The following PHF2 variants were observed in gnomAD, a reference collection of about 807,000 sequenced individuals.
PHF2 encodes PHD finger protein 2.
In PHF2, 27 loss-of-function variants were observed where a neutral mutation model predicts 120.5. The ratio of observed to expected loss-of-function variants is 0.22; its 90% CI spans 0.17 to 0.31. The LOEUF is 0.31. PHF2 is among the 10% of genes least tolerant of loss of function. PHF2 has a pLI of 1.00. For synonymous variants in PHF2, 568 were observed against 592.5 expected, an observed-to-expected ratio of 0.96 and a Z score of 0.60; for missense variants, 1,024 against 1,434.8, an observed-to-expected ratio of 0.71 and a Z score of 4.63.
intron 2 of PHF2, among the ~76,000 whole-genome samples, chr9:93,633,183 C>T (rs888689707): frequency 2.0e-5 from 3 of 152,162 alleles, no homozygotes; most frequent in Non-Finnish European, 4.4e-5. Context: ...ACAGTTTGTC[C>T]CCTCTTTTTG....
chr9:93,665,326 A>G (rs749203117), intron 14 of PHF2, among the ~76,000 whole-genome samples: 3 of 152,110 alleles, frequency 2.0e-5, no homozygotes, highest in Non-Finnish European at 4.4e-5. Context: ...CACTGTCTTG[A>G]GCATCTAAAC....
intron 3 of PHF2, among the ~76,000 whole-genome samples, chr9:93,639,530 G>A (rs551633829): frequency 6.6e-6 from 1 of 152,146 alleles, no homozygotes; most frequent in East Asian, 1.9e-4. Flanking sequence ...GAGATAGTAT[G>A]ACTTATTCCT....
In PHF2 at chr9:93,576,815, C is replaced by T; in HGVS notation, c.42C>T (p.Tyr14=). 7.8e-7 allele frequency: 1 copy of T among 1,290,234 alleles called. No individual in the cohort carries two copies. Among genetic ancestry groups the T allele is most frequent in the South Asian group, 1.2e-5 (1 of 81,336 alleles). 79.9% of individuals were successfully genotyped at this position (1,290,234 alleles called of 1,614,324 possible). A position where few individuals can be genotyped will look rare whatever the true frequency, so the allele number is the denominator to read the frequency against. The part of the protein sequence containing the change: ...VPVYCVCRLP[Y]DVTRFMIECD... ...TGTACTGCGTCTGCCGGCTCCCCTA[C>T]GACGTTACCCGCTTCATGATCGAGT... The change falls in exon 1 of 22, where the codon TAC becomes TAT. Residue 14 remains tyrosine (Y), a synonymous_variant. Coordinates refer to ENST00000359246, the MANE Select transcript of PHF2 (RefSeq NM_005392.4).
intron 1 of PHF2, among the ~76,000 whole-genome samples, chr9:93,588,276 C>T (rs996317190): frequency 7.9e-5 from 12 of 152,310 alleles, no homozygotes; most frequent in Non-Finnish European, 1.6e-4. Flanking sequence ...AAAGATGGTT[C>T]TGTCTTTGTG....
rs374606005 is a variant in PHF2, at chr9:93,631,343, A to G, written c.184+1288A>G. Among the ~76,000 whole-genome samples the G allele has an allele frequency of 2.3e-3, 343 of 152,308 alleles. 2 individuals carry two copies. Among genetic ancestry groups the G allele is most frequent in the African/African-American group, 7.9e-3 (329 of 41,572 alleles). ...CGACCCTATCCCCAGCACAGCCTCAACAAATATGCAAGCGGGTGATGAGGA... is the reference window on the plus strand; with the variant it reads ...CGACCCTATCCCCAGCACAGCCTCAGCAAATATGCAAGCGGGTGATGAGGA... On this transcript the variant is annotated intron_variant, in intron 2 of 21. Coordinates refer to ENST00000359246, the MANE Select transcript of PHF2 (RefSeq NM_005392.4).
chr9:93,604,433 C>T (rs1825501987), intron 1 of PHF2, among the ~76,000 whole-genome samples: 1 of 150,958 alleles, frequency 6.6e-6, no homozygotes, highest in African/African-American at 2.4e-5. Context: ...TTCATGATCT[C>T]CTGAATTCAA....
At chr9:93,597,705 C>T (rs1382144787) in intron 1 of PHF2, among the ~76,000 whole-genome samples, 1 of 152,118 alleles carries the variant, frequency 6.6e-6, no homozygotes, top group Non-Finnish European at 1.5e-5. Flanking sequence ...GAGGCTGGAA[C>T]CTACCCTTAG....
chr9:93,633,399 C>T (rs1317658817), intron 2 of PHF2, among the ~76,000 whole-genome samples: 5 of 152,338 alleles, frequency 3.3e-5, no homozygotes, highest in East Asian at 3.9e-4. Flanking sequence ...TGGTTAGAAG[C>T]GGCCCTGAAT....
chr9:93,578,587 C>T (rs1000451255), intron 1 of PHF2, among the ~76,000 whole-genome samples: 3 of 152,146 alleles, frequency 2.0e-5, no homozygotes, highest in Admixed American at 1.3e-4. Context: ...TGCCCACACT[C>T]GGGGCCCAGA....
At chr9:93,665,969 T>C in intron 15 of PHF2, 21 bp from the exon 16 acceptor site, 2 of 1,612,974 alleles carry the variant, frequency 1.2e-6, no homozygotes, top group South Asian at 1.1e-5. Flanking sequence ...CCCGCTGGAC[T>C]GCCATCTGCT....
In PHF2 at chr9:93,677,635, A is replaced by G; in HGVS notation, c.3250A>G (p.Lys1084Glu). ...GGCGACCGCCAAGCAGAGGCTTGGG[A>G]AAATTTTGAAAATTCATCGGAACGG... ...GMATAKQRLGKILKIHRNGKL... is the reference protein window; with the variant it reads ...GMATAKQRLGEILKIHRNGKL... The change falls in exon 22 of 22, where the codon AAA becomes GAA. Residue 1084 changes from lysine to glutamate, a missense_variant. By Grantham distance (56) the Lys-to-Glu change is moderately conservative. Transcript: ENST00000359246. The surrounding 1 kb of genome is among the most constrained non-coding windows in gnomAD (Gnocchi z 4.4). The G allele has an allele frequency of 1.2e-6, 2 of 1,613,864 alleles. No homozygotes were observed. Among genetic ancestry groups the G allele is most frequent in the Non-Finnish European group, 1.7e-6 (2 of 1,179,940 alleles).
Position 93,677,919 on chromosome 9 carries a change from T to C in PHF2, c.*243T>C. 2.0e-6 allele frequency: 1 copy of C among 504,478 alleles called. No individual in the cohort carries two copies. The highest frequency in any genetic ancestry group is 2.6e-5 in the South Asian group (1 of 37,842). 31.3% of individuals were successfully genotyped at this position (504,478 alleles called of 1,614,324 possible). ...GTGATCTGTCCCAGAAAAGCGGCCC[T>C]GCAAGTTTGAGGACCGCTTATTCCA... On this transcript the variant is annotated 3_prime_UTR_variant, in exon 22 of 22. Coordinates refer to ENST00000359246, the MANE Select transcript of PHF2 (RefSeq NM_005392.4). The surrounding 1 kb of genome is among the most constrained non-coding windows in gnomAD (Gnocchi z 4.4).
chr9:93,602,800 TCGAGTTTTATAGCTCATTTGTTGTGA>T (rs1564377343), intron 1 of PHF2, among the ~76,000 whole-genome samples: 3 of 152,188 alleles, frequency 2.0e-5, no homozygotes, highest in Non-Finnish European at 1.5e-5. Context: ...AGGATTGTAG[TCGAGTTTTATAGCTCATTTGTTGTGA>T]TGTTGCCCCT....
chr9:93,602,751 C>G, intron 1 of PHF2, among the ~76,000 whole-genome samples: 1 of 152,158 alleles, frequency 6.6e-6, no homozygotes, highest in East Asian at 1.9e-4. Flanking sequence ...TGGACTCACT[C>G]TTGGGGGCAG....
chr9:93,656,445 CT>C lies in PHF2; in HGVS notation c.1041-42del. On this transcript the variant is annotated intron_variant, in intron 8 of 21. Coordinates refer to ENST00000359246, the MANE Select transcript of PHF2 (RefSeq NM_005392.4). This position sits in a 1 kb window ranked among gnomAD's most constrained non-coding sequence, Gnocchi z 4.1. ...CTGGATTGATGCCCAGCGTCGCCTG[CT>C]TGATGGTCAGTGCACTGAGAACTGC... The C allele has an allele frequency of 7.2e-7, 1 of 1,382,104 alleles. No homozygotes were observed. Among genetic ancestry groups the C allele is most frequent in the Middle Eastern group, 1.8e-4 (1 of 5,648 alleles). 85.6% of individuals were successfully genotyped at this position (1,382,104 alleles called of 1,614,324 possible).
chr9:93,628,010 C>T (rs1047052852), intron 1 of PHF2, among the ~76,000 whole-genome samples: 1 of 152,214 alleles, frequency 6.6e-6, no homozygotes, highest in African/African-American at 2.4e-5. Context: ...AGGATTGCAT[C>T]TTTTTCTTCT....
rs188625372 is a variant in PHF2 at position 93,626,135 on chromosome 9, C to T, written c.99-3835C>T. On this transcript the variant is annotated intron_variant, in intron 1 of 21. Coordinates refer to ENST00000359246, the MANE Select transcript of PHF2 (RefSeq NM_005392.4). ...GCAGGCACCTGTAGTCCCAGCTACT[C>T]GGGAGGCTGAGACAGGGGAACTGCT... Among the ~76,000 whole-genome samples the T allele has an allele frequency of 2.1e-3, 313 of 152,108 alleles. 3 individuals carry two copies. Among genetic ancestry groups the T allele is most frequent in the African/African-American group, 7.3e-3 (304 of 41,486 alleles).
rs531997815 is a variant in PHF2, at chr9:93,629,277, G to C, written c.99-693G>C. 2.0e-5 allele frequency among the ~76,000 whole-genome samples: 3 copies of C among 152,320 alleles called. No individual in the cohort carries two copies. The South Asian group carries it at 6.2e-4, about 32-fold the overall frequency. ...TTTTGCTGGGTTAGCTTCTGTAGAA[G>C]TTTATTGATGTCTTAGGTTGTGTCC... is the stretch of plus-strand genomic sequence containing the variant. On this transcript the variant is annotated intron_variant, in intron 1 of 21. Transcript: ENST00000359246.
Position 93,649,178 on chromosome 9 carries a change from C to T in PHF2, c.568C>T (p.Leu190Phe). The part of the protein sequence containing the change: ...YYYSTNRKRV[L>F]NVTNLEFSDT... Reference sequence around the variant, plus strand: ...CTACAGCACCAACCGCAAGCGGGTCCTCAACGTCACCAACCTCGAGTTCTC... The same window carrying T: ...CTACAGCACCAACCGCAAGCGGGTCTTCAACGTCACCAACCTCGAGTTCTC... The change falls in exon 5 of 22, where the codon CTC (leucine) becomes TTC (phenylalanine). Residue 190 changes from leucine (L) to phenylalanine (F), a missense_variant. Leu to Phe is a conservative substitution (Grantham distance 22). Transcript: ENST00000359246. The T allele has an allele frequency of 6.5e-7, 1 of 1,550,030 alleles. No individual in the cohort carries two copies. Among genetic ancestry groups the T allele is most frequent in the Non-Finnish European group, 8.7e-7 (1 of 1,146,178 alleles).
Sources: allele counts gnomAD v4.1 joint callset (sites outside exome capture counted in the v4.1 genomes callset), GRCh38; gene constraint gnomAD v4.1.1; non-coding constraint Gnocchi (gnomAD v3.1); transcripts MANE v1.5; gene names NCBI Gene and HGNC (gene_info 2026-07-23, HGNC 2026-07-21).